ABI3BP: variants seen among roughly 807,000 people sequenced by gnomAD.
ABI3BP encodes the protein target of Nesh-SH3.
Under a neutral mutation model 268.6 loss-of-function variants are expected in ABI3BP, and 216 were observed. The observed-to-expected ratio is 0.80, with a 90% CI of 0.72 to 0.90. The LOEUF is 0.90. Among genes scored for constraint, ABI3BP ranks in the 40% least tolerant of loss-of-function variants. The pLI, the probability that ABI3BP is intolerant of heterozygous loss-of-function variation, is 0.00. For synonymous variants in ABI3BP, 730 were observed against 730.0 expected, an observed-to-expected ratio of 1.00 and a Z score of 0.00; for missense variants, 2,090 against 2,182.4, an observed-to-expected ratio of 0.96 and a Z score of 0.84.
rs72932510 is a variant in ABI3BP, at chr3:100,809,822, A to G, written c.3607+590T>C. On this transcript the variant is annotated intron_variant, in intron 49 of 67. Transcript: ENST00000471714. ...AGTTATTCATGTTGATTATTTTTCA[A>G]TCATTTCAAACTCCACTACTATGTA... Among the ~76,000 whole-genome samples, 705 of 152,254 alleles carry G rather than the reference A, an allele frequency of 4.6e-3. 7 individuals are homozygous for G. The highest frequency in any genetic ancestry group is 0.016 in the African/African-American group (681 of 41,562).
chr3:100,978,894 C>G (rs2087709095), intron 1 of ABI3BP, among the ~76,000 whole-genome samples: 1 of 152,140 alleles, frequency 6.6e-6, no homozygotes, highest in Admixed American at 6.5e-5. Context: ...ACAACTGAAT[C>G]AGAATCTGAT....
chr3:100,882,394 C>G, intron 6 of ABI3BP, among the ~76,000 whole-genome samples: 1 of 151,354 alleles, frequency 6.6e-6, no homozygotes, highest in Non-Finnish European at 1.5e-5. Context: ...GTTACTACTT[C>G]CCCATGTTCC....
At chr3:100,896,251 G>T (rs1415953206) in intron 4 of ABI3BP, among the ~76,000 whole-genome samples, 3 of 152,216 alleles carry the variant, frequency 2.0e-5, no homozygotes, top group Non-Finnish European at 1.5e-5. Flanking sequence ...TGAGATCCAT[G>T]CATGGTCTGA....
intron 1 of ABI3BP, among the ~76,000 whole-genome samples, chr3:100,964,512 C>T (rs531417852): frequency 6.6e-6 from 1 of 152,306 alleles, no homozygotes; most frequent in East Asian, 1.9e-4. Context: ...TGCTCCTAAA[C>T]TTGTGTGTGT....
chr3:100,890,790 G>A (rs949504917), intron 4 of ABI3BP, among the ~76,000 whole-genome samples: 1 of 151,992 alleles, frequency 6.6e-6, no homozygotes, highest in South Asian at 2.1e-4. Flanking sequence ...TTCCAAATCT[G>A]TTTCTCTTGT....
At chr3:100,867,076 C>A in intron 9 of ABI3BP, 120 bp from the exon 10 acceptor site, 1 of 697,614 alleles carries the variant, frequency 1.4e-6, no homozygotes, top group South Asian at 1.8e-5. Flanking sequence ...ACCAGCCAGT[C>A]AACAACTTTA....
At chr3:100,836,506 T>C (rs984436663) in intron 27 of ABI3BP, among the ~76,000 whole-genome samples, 8 of 152,126 alleles carry the variant, frequency 5.3e-5, no homozygotes, top group Admixed American at 2.6e-4. Context: ...ACTGAGAGCA[T>C]CTTCAGAACT....
rs1414838508 is a variant in ABI3BP, at chr3:100,752,966, T to A, written c.4961-18A>T. 6.2e-7 allele frequency: 1 copy of A among 1,603,334 alleles called. No homozygotes were observed. The highest frequency in any genetic ancestry group is 1.3e-5 in the African/African-American group (1 of 74,446). ...TCTTCCTGCTACAAAAGGAAAATAGTTTGAGTTTAGTATCTGACTCTTGGG... is the reference window on the plus strand; with the variant it reads ...TCTTCCTGCTACAAAAGGAAAATAGATTGAGTTTAGTATCTGACTCTTGGG... On this transcript the variant is annotated intron_variant, in intron 65 of 67. Coordinates refer to ENST00000471714, the MANE Select transcript of ABI3BP (RefSeq NM_001375547.2).
intron 1 of ABI3BP, among the ~76,000 whole-genome samples, chr3:100,971,966 C>T (rs560472589): frequency 5.3e-5 from 8 of 152,150 alleles, no homozygotes; most frequent in East Asian, 1.9e-4. Flanking sequence ...CACAGAAATG[C>T]GGGCTGAGAA....
In ABI3BP at chr3:100,794,914, G is replaced by A. The variant is rs368856122; in HGVS notation, c.3946+9C>T. On this transcript the variant is annotated intron_variant, in intron 54 of 67. Coordinates refer to ENST00000471714, the MANE Select transcript of ABI3BP (RefSeq NM_001375547.2). ...GCTCTCTTTGAACAAATATTAAAAC[G>A]AAATTTACCCAGAGTGGTCTGTAGT... 1.7e-5 allele frequency: 27 copies of A among 1,553,460 alleles called. No individual in the cohort carries two copies. In the African/African-American group the frequency reaches 2.0e-4, roughly 12 times the overall value.
Position 100,866,922 on chromosome 3 carries a change from A to G in ABI3BP, c.945T>C (p.Ser315=), listed in dbSNP as rs954151331. The G allele has an allele frequency of 1.9e-6, 3 of 1,613,912 alleles. No individual in the cohort carries two copies. Among genetic ancestry groups the G allele is most frequent in the Admixed American group, 3.3e-5 (2 of 60,026 alleles). Residue 315 remains serine, a synonymous_variant, in exon 10 of 68, where the codon TCT becomes TCC. Transcript: ENST00000471714. ...AGATTTTTTCAACCTCTGGTGTTTTAGATTCGGCAGGTAATGCCAAGGTTT... is the reference window on the plus strand; with the variant it reads ...AGATTTTTTCAACCTCTGGTGTTTTGGATTCGGCAGGTAATGCCAAGGTTT... ...KNETLALPAE[S]KTPEVEKISA...
At chr3:100,906,427 T>C (rs905504469) in intron 2 of ABI3BP, among the ~76,000 whole-genome samples, 2 of 152,224 alleles carry the variant, frequency 1.3e-5, no homozygotes, top group African/African-American at 2.4e-5. Context: ...TTGTGCTCTA[T>C]TGGGGACACA....
rs192233194 is a variant in ABI3BP, at chr3:100,816,668, C to T, written c.3229+20G>A. 5 of 1,533,144 alleles carry T rather than the reference C, an allele frequency of 3.3e-6. No homozygotes were observed. In the South Asian group the frequency reaches 6.0e-5, roughly 18 times the overall value. The allele number at this position is 1,533,144 out of a possible 1,614,324, so 95.0% of individuals were successfully genotyped here. A position where few individuals can be genotyped will look rare whatever the true frequency, so the allele number is the denominator to read the frequency against. On this transcript the variant is annotated intron_variant, in intron 43 of 67. Transcript: ENST00000471714. ...GGTTCAGGTTCCTTGGCTACTTAAG[C>T]CAAGGATTCATACATTTACCCGATT... is the stretch of plus-strand genomic sequence containing the variant.
In ABI3BP at chr3:100,776,189, G is replaced by T. The variant is rs58073790; in HGVS notation, c.4334-854C>A. Reference sequence around the variant, plus strand: ...ACTAGATTGAATTTTATGTTCCACCGGGGAGAAGGAGTCACTTTTGGGCAA... The same window carrying T: ...ACTAGATTGAATTTTATGTTCCACCTGGGAGAAGGAGTCACTTTTGGGCAA... On this transcript the variant is annotated intron_variant, in intron 59 of 67. Transcript: ENST00000471714. Among the ~76,000 whole-genome samples, 1,292 of 152,216 alleles carry T rather than the reference G, an allele frequency of 8.5e-3. 14 individuals carry two copies. The highest frequency in any genetic ancestry group is 0.019 in the African/African-American group (772 of 41,520).
chr3:100,877,676 G>T (rs1005156546), intron 6 of ABI3BP, among the ~76,000 whole-genome samples: 4 of 152,188 alleles, frequency 2.6e-5, no homozygotes, highest in African/African-American at 9.6e-5. Flanking sequence ...ATTATACACA[G>T]GAGAATTAGA....
At chr3:100,968,433 T>C (rs1203965253) in intron 1 of ABI3BP, among the ~76,000 whole-genome samples, 1 of 152,196 alleles carries the variant, frequency 6.6e-6, no homozygotes, top group Non-Finnish European at 1.5e-5. Context: ...TTGCCACCTA[T>C]GTTACCTAGT....
chr3:100,971,986 T>G (rs2083818095), intron 1 of ABI3BP, among the ~76,000 whole-genome samples: 1 of 152,104 alleles, frequency 6.6e-6, no homozygotes, highest in South Asian at 2.1e-4. Flanking sequence ...AGGGTGTGCC[T>G]TCCTAAAAAG....
intron 1 of ABI3BP, among the ~76,000 whole-genome samples, chr3:100,942,756 A>C (rs1423774266): frequency 6.6e-6 from 1 of 152,098 alleles, no homozygotes; most frequent in Non-Finnish European, 1.5e-5. Flanking sequence ...AGACCTATTG[A>C]ATTAGAAACT....
chr3:100,875,659 C>G, intron 7 of ABI3BP, 80 bp from the exon 8 acceptor site: 1 of 973,826 alleles, frequency 1.0e-6, no homozygotes, highest in Non-Finnish European at 1.6e-6. Context: ...GCCATCTGCA[C>G]TGGAAAAGCC....
Sources: gnomAD v4.1 joint callset for allele counts (sites outside exome capture counted in the v4.1 genomes callset) on GRCh38, gnomAD v4.1.1 for gene constraint, MANE v1.5 for transcripts, NCBI Gene and HGNC (gene_info 2026-07-23, HGNC 2026-07-21) for gene names.